The following STPG2 variants were observed in gnomAD, a reference collection of about 807,000 sequenced individuals.
The protein encoded by STPG2 is sperm tail PG-rich repeat containing 2.
A neutral mutation model predicts 54.2 loss-of-function variants in STPG2; 56 were observed. The observed-to-expected ratio is 1.03, with a 90% CI of 0.83 to 1.29. STPG2 has a LOEUF of 1.29. Among genes scored for constraint, STPG2 ranks in the 50% most tolerant of loss-of-function variants. The pLI, the probability that STPG2 is intolerant of heterozygous loss-of-function variation, is 0.00. For synonymous variants in STPG2, 200 were observed against 181.8 expected (o/e 1.10, Z -0.81); for missense variants, 596 against 544.9 (o/e 1.09, Z -0.93).
intron 8 of STPG2, among the ~76,000 whole-genome samples, chr4:97,863,793 C>T (rs1359434009): frequency 6.6e-6 from 1 of 152,152 alleles, no homozygotes; most frequent in Non-Finnish European, 1.5e-5. Context: ...GCTGGTTCAA[C>T]ATACACAAAT....
At chr4:98,132,305 T>C (rs1740016084) in intron 2 of STPG2, among the ~76,000 whole-genome samples, 1 of 146,368 alleles carries the variant, frequency 6.8e-6, no homozygotes, top group Non-Finnish European at 1.5e-5. Context: ...TATTTACTTA[T>C]AAAATAACTA....
Position 98,037,588 on chromosome 4 carries a change from T to C in STPG2, c.613-56270A>G, listed in dbSNP as rs372506235. Among the ~76,000 whole-genome samples the C allele has an allele frequency of 1.5e-3, 222 of 149,534 alleles. 1 individual carries two copies. The highest frequency in any genetic ancestry group is 4.0e-3 in the African/African-American group (162 of 40,626). On this transcript the variant is annotated intron_variant, in intron 5 of 10. Coordinates refer to ENST00000295268, the MANE Select transcript of STPG2 (RefSeq NM_174952.3). ...ACATAGTATGTCTTAGTGGATGTAA[T>C]GAAAGGAAAAAAAGAAAGGGAAAGA...
At chr4:98,122,877 A>G (rs7657497) in intron 3 of STPG2, among the ~76,000 whole-genome samples, 59,966 of 151,806 alleles carry the variant, frequency 0.4, 12,060 homozygotes, top group Middle Eastern at 0.46. Context: ...TTCAGAACTC[A>G]TTATTGGTCT....
chr4:98,054,477 G>C (rs1737423337), intron 5 of STPG2, among the ~76,000 whole-genome samples: 1 of 152,070 alleles, frequency 6.6e-6, no homozygotes, highest in Admixed American at 6.6e-5. Context: ...TTTTGTTACA[G>C]ACTATTAAAT....
At chr4:97,558,767 G>C, downstream of STPG2, 1 of 301,890 alleles carries the variant, frequency 3.3e-6, no homozygotes, top group Non-Finnish European at 6.1e-6. Context: ...TAAATTCCCA[G>C]ACCAAAGAAA....
At chr4:98,053,490 T>C (rs913829006) in intron 5 of STPG2, among the ~76,000 whole-genome samples, 10 of 151,994 alleles carry the variant, frequency 6.6e-5, no homozygotes, top group African/African-American at 2.4e-4. Context: ...TATAGCTATA[T>C]AAAACCTTTA....
chr4:98,109,252 T>A lies in STPG2; in HGVS notation c.441A>T (p.Ser147=). 1 of 1,611,632 alleles carries A rather than the reference T, an allele frequency of 6.2e-7. No homozygotes were observed. Among genetic ancestry groups the A allele is most frequent in the Non-Finnish European group, 8.5e-7 (1 of 1,178,744 alleles). Residue 147 remains serine, a synonymous_variant, in exon 4 of 11, where the codon TCA becomes TCT. Transcript: ENST00000295268. ...KYKGIHFGNS[S]GRQELPKKSG... ...ACTTTTTAGGTAACTCTTGTCTTCC[T>A]GAAGAGTTGCCAAAATGTATACCTT... is the stretch of plus-strand genomic sequence containing the variant.
chr4:97,480,794 T>A (rs1730201133), intron 4 of STPG2, among the ~76,000 whole-genome samples: 1 of 151,646 alleles, frequency 6.6e-6, no homozygotes, highest in Non-Finnish European at 1.5e-5. Flanking sequence ...GCTATAGGTA[T>A]TTTTAGCATA....
chr4:97,931,192 T>C (rs1198518860), intron 8 of STPG2, among the ~76,000 whole-genome samples: 1 of 152,208 alleles, frequency 6.6e-6, no homozygotes, highest in African/African-American at 2.4e-5. Flanking sequence ...TCCTGCCCGA[T>C]GGCTCTGGCT....
At chr4:98,007,621 T>G (rs1014731937) in intron 5 of STPG2, among the ~76,000 whole-genome samples, 8 of 152,050 alleles carry the variant, frequency 5.3e-5, no homozygotes, top group African/African-American at 1.7e-4. Flanking sequence ...GAAATAAAAT[T>G]TGTGAAATGC....
intron 5 of STPG2, among the ~76,000 whole-genome samples, chr4:98,063,066 T>C (rs1260671848): frequency 6.6e-6 from 1 of 152,046 alleles, no homozygotes; most frequent in East Asian, 1.9e-4. Context: ...TCTAACACAG[T>C]AAAACCAGAA....
intron 5 of STPG2, among the ~76,000 whole-genome samples, chr4:98,011,834 G>C (rs1335362007): frequency 1.3e-5 from 2 of 152,138 alleles, no homozygotes; most frequent in Non-Finnish European, 2.9e-5. Context: ...ATTTGTTTAA[G>C]TTCCTTGTAG....
intron 5 of STPG2, among the ~76,000 whole-genome samples, chr4:98,008,300 A>C (rs866798050): frequency 8.8e-5 from 11 of 125,374 alleles, no homozygotes; most frequent in Middle Eastern, 4.3e-3. Context: ...CAGAATTCTG[A>C]AATTAAAAAA....
At chr4:98,090,296 T>C (rs1451329931) in intron 5 of STPG2, among the ~76,000 whole-genome samples, 1 of 152,182 alleles carries the variant, frequency 6.6e-6, no homozygotes, top group Non-Finnish European at 1.5e-5. Context: ...GCACCATTTA[T>C]AGAATAGACT....
intron 8 of STPG2, among the ~76,000 whole-genome samples, chr4:97,896,370 T>C (rs1730953519): frequency 1.3e-5 from 2 of 151,766 alleles, no homozygotes; most frequent in South Asian, 4.1e-4. Context: ...CACTTAAGGA[T>C]GCCTATATAA....
At chr4:98,000,814 A>G (rs1249770693) in intron 5 of STPG2, among the ~76,000 whole-genome samples, 1 of 152,184 alleles carries the variant, frequency 6.6e-6, no homozygotes, top group Non-Finnish European at 1.5e-5. Context: ...GAAAAATTTA[A>G]TTGGTGACAG....
chr4:98,022,561 G>T (rs1302393012), intron 5 of STPG2, among the ~76,000 whole-genome samples: 1 of 151,438 alleles, frequency 6.6e-6, no homozygotes, highest in East Asian at 1.9e-4. Flanking sequence ...CTGAATGTTG[G>T]CCTGCCTTGC....
intron 1 of STPG2, among the ~76,000 whole-genome samples, chr4:98,140,920 AAG>A (rs1450508217): frequency 7.2e-5 from 11 of 152,232 alleles, no homozygotes; most frequent in African/African-American, 2.7e-4. Flanking sequence ...TGTATCTCTT[AAG>A]ATTTCCTTCT....
chr4:97,534,611 T>A (rs758804336), intron 4 of STPG2, among the ~76,000 whole-genome samples: 1 of 152,206 alleles, frequency 6.6e-6, no homozygotes, highest in African/African-American at 2.4e-5. Flanking sequence ...TGTTCTCTTT[T>A]TAAAATTTTC....
Sources: allele counts gnomAD v4.1 joint callset (sites outside exome capture counted in the v4.1 genomes callset), GRCh38; gene constraint gnomAD v4.1.1; transcripts MANE v1.5; gene names NCBI Gene and HGNC (gene_info 2026-07-23, HGNC 2026-07-21).